Variants in DBT observed in about 807,000 individuals in gnomAD.
The protein encoded by DBT is lipoamide acyltransferase component of branched-chain alpha-keto acid dehydrogenase complex, mitochondrial.
In DBT, 40 loss-of-function variants were observed where a neutral mutation model predicts 51.3. The ratio of observed to expected loss-of-function variants is 0.78; its 90% CI spans 0.61 to 1.02. The LOEUF (loss-of-function observed/expected upper bound fraction) is 1.02, where lower values mean the gene tolerates loss of function less well. DBT is among the 50% of genes least tolerant of loss of function. The pLI is 0.00. For synonymous variants in DBT, 181 were observed against 190.4 expected, an observed-to-expected ratio of 0.95 and a Z score of 0.41; for missense variants, 510 against 580.2, an observed-to-expected ratio of 0.88 and a Z score of 1.24.
At position 100,240,821 on chromosome 1, in the gene DBT, A is replaced by G. The variant is rs1557961213; in HGVS notation, c.115T>C (p.Phe39Leu). Residue 39 changes from phenylalanine (F) to leucine (L), a missense_variant, in exon 2 of 11, where the codon TTC (phenylalanine) becomes CTC (leucine). Physicochemically the swap from Phe to Leu is conservative, Grantham distance 22. Coordinates refer to ENST00000370132, the MANE Select transcript of DBT (RefSeq NM_001918.5). ...VHVLKPNYVC[F>L]FGYPSFKYSH... is the part of the protein sequence containing the mutation. ...TACTTGAATGAAGGATAACCAAAGA[A>G]ACACACATAATTTGGCTTCAAAACA... 2 of 1,609,774 alleles carry G rather than the reference A, an allele frequency of 1.2e-6. No homozygotes were observed. Among genetic ancestry groups the G allele is most frequent in the Non-Finnish European group, 1.7e-6 (2 of 1,176,252 alleles).
chr1:100,240,903 A>G lies in DBT; in HGVS notation c.52-19T>C. On this transcript the variant is annotated intron_variant, in intron 1 of 10. Coordinates refer to ENST00000370132, the MANE Select transcript of DBT (RefSeq NM_001918.5). The stretch of plus-strand genomic sequence containing the variant: ...CACAAATCTACAGATGAGAAAACAA[A>G]AAGTAAAAGCATTTATAAACAACCA... 1 of 1,611,912 alleles carries G rather than the reference A, an allele frequency of 6.2e-7. No homozygotes were observed.
intron 4 of DBT, among the ~76,000 whole-genome samples, chr1:100,227,976 G>GT (rs1468708950): frequency 5.9e-5 from 9 of 152,084 alleles, no homozygotes; most frequent in African/African-American, 9.7e-5. Flanking sequence ...CTCCCGAGTA[G>GT]GTGAGATTAC....
At chr1:100,241,014 G>T in intron 1 of DBT, 130 bp from the exon 2 acceptor site, 1 of 959,830 alleles carries the variant, frequency 1.0e-6, no homozygotes, top group Non-Finnish European at 1.6e-6. Flanking sequence ...TATATCCTTA[G>T]ATTTAGATTT....
intron 6 of DBT, 24 bp downstream of exon 6, chr1:100,215,959 T>C (rs543387991): frequency 6.8e-6 from 9 of 1,330,344 alleles, no homozygotes; most frequent in Middle Eastern, 1.8e-4. Context: ...TATTGCCTTA[T>C]AGTATTGTTA....
At position 100,193,509 on chromosome 1, in the gene DBT, G is replaced by C. The variant is rs1016639491; in HGVS notation, c.*2746C>G. The C allele has an allele frequency of 6.6e-6, 1 of 152,126 alleles. No individual in the cohort carries two copies. The highest frequency in any genetic ancestry group is 2.4e-5 in the African/African-American group (1 of 41,406). 9.4% of individuals were successfully genotyped at this position (152,126 alleles called of 1,614,324 possible). ...AGCCCAATCAAGGAAGCATGAAGGT[G>C]GCTACTGTATGCTTAGAACCATGAT... On this transcript the variant is annotated 3_prime_UTR_variant, in exon 11 of 11. Coordinates refer to ENST00000370132, the MANE Select transcript of DBT (RefSeq NM_001918.5).
At chr1:100,248,473 G>A (rs1297198566) in intron 1 of DBT, among the ~76,000 whole-genome samples, 1 of 152,206 alleles carries the variant, frequency 6.6e-6, no homozygotes, top group Non-Finnish European at 1.5e-5. Context: ...AGTAGACCTG[G>A]TTGGAAGACT....
At chr1:100,232,630 T>A (rs983981452) in intron 3 of DBT, among the ~76,000 whole-genome samples, 6 of 152,156 alleles carry the variant, frequency 3.9e-5, no homozygotes, top group African/African-American at 1.4e-4. Flanking sequence ...TGAGACAGGG[T>A]CTTGCTCTGG....
At chr1:100,240,509 C>A (rs998590399) in intron 2 of DBT, among the ~76,000 whole-genome samples, 1 of 152,004 alleles carries the variant, frequency 6.6e-6, no homozygotes, top group Non-Finnish European at 1.5e-5. Context: ...ATCTGGGCAA[C>A]TGAGTGAGAT....
intron 8 of DBT, 109 bp from the exon 9 acceptor site, chr1:100,206,745 C>T: frequency 1.3e-6 from 1 of 764,774 alleles, no homozygotes; most frequent in Non-Finnish European, 2.3e-6. Context: ...TCATTTTTAC[C>T]AGATTGGTAG....
At chr1:100,213,539 G>A (rs1662289051) in intron 7 of DBT, 1 of 1,559,896 alleles carries the variant, frequency 6.4e-7, no homozygotes, top group South Asian at 1.1e-5. Flanking sequence ...CGTCTGCAGG[G>A]TCGGGGGGCT....
At chr1:100,213,244 G>A in intron 7 of DBT, 1 of 1,187,718 alleles carries the variant, frequency 8.4e-7, no homozygotes, top group Non-Finnish European at 1.1e-6. Flanking sequence ...AGCCACCCGG[G>A]GCGTGCGCCG....
intron 4 of DBT, among the ~76,000 whole-genome samples, chr1:100,227,752 C>A (rs1457459109): frequency 6.6e-6 from 1 of 152,210 alleles, no homozygotes; most frequent in Admixed American, 6.5e-5. Context: ...ACATGAAGTA[C>A]AAACATGATC....
In DBT at chr1:100,240,830, A is replaced by C. The variant is rs764860540; in HGVS notation, c.106T>G (p.Tyr36Asp). 6.2e-7 allele frequency: 1 copy of C among 1,610,818 alleles called. No homozygotes were observed. The highest frequency in any genetic ancestry group is 1.7e-5 in the Admixed American group (1 of 60,022). ...CGNVHVLKPN[Y>D]VCFFGYPSFK... ...GAAGGATAACCAAAGAAACACACATAATTTGGCTTCAAAACATGAACATTA... is the reference window on the plus strand; with the variant it reads ...GAAGGATAACCAAAGAAACACACATCATTTGGCTTCAAAACATGAACATTA... Residue 36 changes from tyrosine (Y) to aspartate (D), a missense_variant, in exon 2 of 11, where the codon TAT (tyrosine) becomes GAT (aspartate). Transcript: ENST00000370132.
chr1:100,249,017 A>G, intron 1 of DBT: 1 of 698,580 alleles, frequency 1.4e-6, no homozygotes, highest in Non-Finnish European at 1.8e-6. Flanking sequence ...TCCAGTGCCT[A>G]ACACAGCACT....
Position 100,195,250 on chromosome 1 carries a change from G to A in DBT, c.*1005C>T, listed in dbSNP as rs1173808009. 6.6e-6 allele frequency: 1 copy of A among 152,488 alleles called. No homozygotes were observed. The highest frequency in any genetic ancestry group is 2.4e-5 in the African/African-American group (1 of 41,392). The allele number at this position is 152,488 out of a possible 1,614,324, so 9.4% of individuals were successfully genotyped here. A position where few individuals can be genotyped will look rare whatever the true frequency, so the allele number is the denominator to read the frequency against. On this transcript the variant is annotated 3_prime_UTR_variant, in exon 11 of 11. Transcript: ENST00000370132. ...CATTTAAAGTACCTTCCTTACATGAGGGAAGTTTGCAAAGGTGAAGGTCTT... is the reference window on the plus strand; with the variant it reads ...CATTTAAAGTACCTTCCTTACATGAAGGAAGTTTGCAAAGGTGAAGGTCTT...
At chr1:100,238,999 C>G (rs894557860) in intron 2 of DBT, among the ~76,000 whole-genome samples, 5 of 152,132 alleles carry the variant, frequency 3.3e-5, no homozygotes, top group Non-Finnish European at 5.9e-5. Flanking sequence ...TATATGTAAG[C>G]AGTATTAGTA....
chr1:100,202,050 T>G (rs1157879708), intron 10 of DBT, among the ~76,000 whole-genome samples: 1 of 152,122 alleles, frequency 6.6e-6, no homozygotes, highest in African/African-American at 2.4e-5. Flanking sequence ...AATTTGCATA[T>G]AACAATATTA....
intron 6 of DBT, 28 bp from the exon 7 acceptor site, chr1:100,215,011 T>G: frequency 6.5e-7 from 1 of 1,544,846 alleles, no homozygotes; most frequent in East Asian, 2.3e-5. Context: ...GTTATTCATT[T>G]ATTTAAATTC....
At position 100,249,808 on chromosome 1, in the gene DBT, G is replaced by T; in HGVS notation, c.13C>A (p.Arg5Ser). Residue 5 changes from arginine to serine, a missense_variant, in exon 1 of 11, where the codon CGT becomes AGT. Coordinates refer to ENST00000370132, the MANE Select transcript of DBT (RefSeq NM_001918.5). ...TTCCTGCTCCAGGTTCTCAGCATAC[G>T]GACTGCAGCCATCTTACCCCGGAAA... MAAV[R>S]MLRTWSRNAG... 1 of 1,614,106 alleles carries T rather than the reference G, an allele frequency of 6.2e-7. No individual in the cohort carries two copies. The highest frequency in any genetic ancestry group is 8.5e-7 in the Non-Finnish European group (1 of 1,179,998).
Sources: allele counts gnomAD v4.1 joint callset (sites outside exome capture counted in the v4.1 genomes callset), GRCh38; gene constraint gnomAD v4.1.1; transcripts MANE v1.5; gene names NCBI Gene and HGNC (gene_info 2026-07-23, HGNC 2026-07-21).